ZNF703: variants seen among roughly 807,000 people sequenced by gnomAD.
ZNF703 encodes zinc finger protein 703.
Under a neutral mutation model 30.7 loss-of-function variants are expected in ZNF703, and 18 were observed. The observed-to-expected ratio is 0.59, with a 90% CI of 0.40 to 0.87. The LOEUF (loss-of-function observed/expected upper bound fraction) is 0.87. ZNF703 is among the 40% of genes least tolerant of loss of function. The pLI is 0.00. For missense variants in ZNF703, 814 were observed against 847.8 expected (o/e 0.96, Z 0.50); for synonymous variants, 457 against 438.6 (o/e 1.04, Z -0.52).
chr8:37,697,986 C>T lies in ZNF703; in HGVS notation c.1085C>T (p.Pro362Leu). 6.4e-7 allele frequency: 1 copy of T among 1,562,256 alleles called. No individual in the cohort carries two copies. Among genetic ancestry groups the T allele is most frequent in the Non-Finnish European group, 8.6e-7 (1 of 1,160,782 alleles). ...CCGGGCAAGCCCCCCAGCTCCAGCCCGCTCACCGGGGCCTCCCCGCCCTCC... is the reference window on the plus strand; with the variant it reads ...CCGGGCAAGCCCCCCAGCTCCAGCCTGCTCACCGGGGCCTCCCCGCCCTCC... ...LPPGKPPSSS[P>L]LTGASPPSFL... The change falls in exon 2 of 2, where the codon CCG becomes CTG. Residue 362 changes from proline to leucine, a missense_variant. Pro to Leu is a moderately conservative substitution (Grantham distance 98). Coordinates refer to ENST00000331569, the MANE Select transcript of ZNF703 (RefSeq NM_025069.3).
In ZNF703 at chr8:37,698,199, C is replaced by CTTTTAATGATA; in HGVS notation, c.1298_1299insTTTTAATGATA (p.Gln434PhefsTer113). 1 of 1,520,736 alleles carries CTTTTAATGATA rather than the reference C, an allele frequency of 6.6e-7. No individual in the cohort carries two copies. The highest frequency in any genetic ancestry group is 8.8e-7 in the Non-Finnish European group (1 of 1,141,084). 94.2% of individuals were successfully genotyped at this position (1,520,736 alleles called of 1,614,324 possible). A position where few individuals can be genotyped will look rare whatever the true frequency, so the allele number is the denominator to read the frequency against. On this transcript the variant is annotated frameshift_variant, in exon 2 of 2. Coordinates refer to ENST00000331569, the MANE Select transcript of ZNF703 (RefSeq NM_025069.3). LOFTEE classifies it high-confidence loss of function. ...CCCGCCGCGCTCTCGTCCAGCGCCG[C>CTTTTAATGATA]CCAGGCCGCGCTCCCCGGCCACCCG...
rs1342120211 is a variant in ZNF703 at position 37,698,516 on chromosome 8, A to C, written c.1615A>C (p.Thr539Pro). Residue 539 changes from threonine to proline, a missense_variant, in exon 2 of 2, where the codon ACT (threonine) becomes CCT (proline). Thr to Pro is a conservative substitution (Grantham distance 38). Coordinates refer to ENST00000331569, the MANE Select transcript of ZNF703 (RefSeq NM_025069.3). Reference protein sequence around the residue: ...PGSLSLRNPHTLGLSRYHPYG... With the variant: ...PGSLSLRNPHPLGLSRYHPYG... Reference sequence around the variant, plus strand: ...GTCGCTGTCCTTGCGGAATCCACACACTTTGGGCCTAAGCCGGTACCACCC... The same window carrying C: ...GTCGCTGTCCTTGCGGAATCCACACCCTTTGGGCCTAAGCCGGTACCACCC... The C allele has an allele frequency of 6.4e-7, 1 of 1,563,850 alleles. No individual in the cohort carries two copies. The highest frequency in any genetic ancestry group is 8.6e-7 in the Non-Finnish European group (1 of 1,159,302).
In ZNF703 at chr8:37,696,127, A is replaced by G; in HGVS notation, c.148A>G (p.Ile50Val). Residue 50 changes from isoleucine to valine, a missense_variant, in exon 1 of 2, where the codon ATC (isoleucine) becomes GTC (valine). Ile to Val is a conservative substitution (Grantham distance 29). Transcript: ENST00000331569. The surrounding 1 kb of genome is among the most constrained non-coding windows in gnomAD (Gnocchi z 8.2). ...CCTGCGCCAGGCGAACCGGCTCCCG[A>G]TCAGGGTCCTGAAGATGCTGAGCGC... is the stretch of plus-strand genomic sequence containing the variant. The part of the protein sequence containing the change: ...DPLRQANRLP[I>V]RVLKMLSAHT... 6.2e-7 allele frequency: 1 copy of G among 1,610,766 alleles called. No individual in the cohort carries two copies. Among genetic ancestry groups the G allele is most frequent in the Non-Finnish European group, 8.5e-7 (1 of 1,179,028 alleles).
In ZNF703 at chr8:37,696,419, T is replaced by C. The variant is rs1466168859; in HGVS notation, c.243+197T>C. On this transcript the variant is annotated intron_variant, in intron 1 of 1. Coordinates refer to ENST00000331569, the MANE Select transcript of ZNF703 (RefSeq NM_025069.3). The surrounding 1 kb of genome is among the most constrained non-coding windows in gnomAD (Gnocchi z 8.2). ...CCCCAGGCTTCCCCGTGGAAGGGTC[T>C]CCTTCCACGCTCGCCCTTCGGAGCT... 6.6e-6 allele frequency among the ~76,000 whole-genome samples: 1 copy of C among 152,058 alleles called. No homozygotes were observed. The highest frequency in any genetic ancestry group is 6.5e-5 in the Admixed American group (1 of 15,274).
chr8:37,698,617 G>C lies in ZNF703; in HGVS notation c.1716G>C (p.Ser572=), dbSNP rs1302488014. The change falls in exon 2 of 2, where the codon TCG becomes TCC. Residue 572 remains serine, a synonymous_variant. Transcript: ENST00000331569. ...PSLPTAGPYY[S]PYALYGQRLA... is the part of the protein sequence containing the mutation. ...TCCCCACAGCCGGACCCTACTATTC[G>C]CCATACGCGCTGTATGGACAGAGAC... 6.5e-7 allele frequency: 1 copy of C among 1,544,210 alleles called. No homozygotes were observed. Among genetic ancestry groups the C allele is most frequent in the African/African-American group, 1.4e-5 (1 of 70,250 alleles).
rs867525561 is a variant in ZNF703 at position 37,698,312 on chromosome 8, T to C, written c.1411T>C (p.Phe471Leu). 1 of 1,540,736 alleles carries C rather than the reference T, an allele frequency of 6.5e-7. No homozygotes were observed. Among genetic ancestry groups the C allele is most frequent in the Admixed American group, 2.0e-5 (1 of 50,882 alleles). ...AGCCAGTGGGCCGTGCGACAAGCGC[T>C]TCGCCACCTCGGAGGAGCTGCTCAG... The part of the protein sequence containing the change: ...VAASGPCDKR[F>L]ATSEELLSHL... The change falls in exon 2 of 2, where the codon TTC (phenylalanine) becomes CTC (leucine). Residue 471 changes from phenylalanine (F) to leucine (L), a missense_variant. By Grantham distance (22) the Phe-to-Leu change is conservative. Coordinates refer to ENST00000331569, the MANE Select transcript of ZNF703 (RefSeq NM_025069.3).
In ZNF703 at chr8:37,696,284, T is replaced by C; in HGVS notation, c.243+62T>C. The C allele has an allele frequency of 1.3e-6, 2 of 1,505,038 alleles. No individual in the cohort carries two copies. The highest frequency in any genetic ancestry group is 1.8e-6 in the Non-Finnish European group (2 of 1,124,118). 93.2% of individuals were successfully genotyped at this position (1,505,038 alleles called of 1,614,324 possible). On this transcript the variant is annotated intron_variant, in intron 1 of 1. Transcript: ENST00000331569. The surrounding 1 kb of genome is among the most constrained non-coding windows in gnomAD (Gnocchi z 8.2). ...ATTCCTCCCACCGCGACCGGGACCC[T>C]GACCCAGCTCCCAGCGCCCCGGGGC...
Position 37,697,355 on chromosome 8 carries a change from T to G in ZNF703, c.454T>G (p.Ser152Ala), listed in dbSNP as rs769666043. The G allele has an allele frequency of 3.8e-6, 6 of 1,560,458 alleles. No individual in the cohort carries two copies. The African/African-American group carries it at 6.9e-5, about 18-fold the overall frequency. Reference protein sequence around the residue: ...QLGDSPAEDKSSFKPYSKGSG... With the variant: ...QLGDSPAEDKASFKPYSKGSG... ...GGGGGACTCACCGGCCGAGGACAAG[T>G]CCAGCTTCAAGCCCTACTCCAAGGG... The change falls in exon 2 of 2, where the codon TCC (serine) becomes GCC (alanine). Residue 152 changes from serine to alanine, a missense_variant. Ser to Ala is a moderately conservative substitution (Grantham distance 99, BLOSUM62 1). Coordinates refer to ENST00000331569, the MANE Select transcript of ZNF703 (RefSeq NM_025069.3).
At position 37,695,824 on chromosome 8, in the gene ZNF703, C is replaced by CGGCGGA. The variant is rs1215162640; in HGVS notation, c.-151_-146dup. 8 of 622,354 alleles carry CGGCGGA rather than the reference C, an allele frequency of 1.3e-5. No homozygotes were observed. Among genetic ancestry groups the CGGCGGA allele is most frequent in the Non-Finnish European group, 2.0e-5 (8 of 405,904 alleles). 38.6% of individuals were successfully genotyped at this position (622,354 alleles called of 1,614,324 possible). A position where few individuals can be genotyped will look rare whatever the true frequency, so the allele number is the denominator to read the frequency against. ...CCGGGGCCAGCGGCGGTGGCGGCGG[C>CGGCGGA]GGCGGAGGCGTCGGTGGAGGAGGGG... On this transcript the variant is annotated 5_prime_UTR_variant, in exon 1 of 2. Transcript: ENST00000331569.
In ZNF703 at chr8:37,698,266, G is replaced by C; in HGVS notation, c.1365G>C (p.Pro455=). ...YGFMLQNEPL[P]HSCNWVAASG... ...TCATGCTGCAGAACGAACCGCTGCC[G>C]CACAGCTGCAACTGGGTGGCAGCCA... is the stretch of plus-strand genomic sequence containing the variant. Residue 455 remains proline, a synonymous_variant, in exon 2 of 2, where the codon CCG becomes CCC. Transcript: ENST00000331569. 1 of 1,538,760 alleles carries C rather than the reference G, an allele frequency of 6.5e-7. No individual in the cohort carries two copies. The highest frequency in any genetic ancestry group is 8.7e-7 in the Non-Finnish European group (1 of 1,147,158).
At position 37,697,153 on chromosome 8, in the gene ZNF703, C is replaced by T. The variant is rs753256761; in HGVS notation, c.252C>T (p.Ala84=). 1 of 1,567,292 alleles carries T rather than the reference C, an allele frequency of 6.4e-7. No homozygotes were observed. The highest frequency in any genetic ancestry group is 8.6e-7 in the Non-Finnish European group (1 of 1,160,894). Residue 84 remains alanine (A), a synonymous_variant, in exon 2 of 2, where the codon GCC becomes GCT. Coordinates refer to ENST00000331569, the MANE Select transcript of ZNF703 (RefSeq NM_025069.3). Reference sequence around the variant, plus strand: ...GCTTCTGTCTCCCACAGCTGGACGCCAAGAAGAGCCCCTTGGCGCTGCTGG... The same window carrying T: ...GCTTCTGTCTCCCACAGCTGGACGCTAAGAAGAGCCCCTTGGCGCTGCTGG... ...STPVSPIELD[A]KKSPLALLAQ...
chr8:37,695,802 G>C lies in ZNF703; in HGVS notation c.-178G>C. The C allele has an allele frequency of 1.9e-6, 1 of 526,472 alleles. No homozygotes were observed. The highest frequency in any genetic ancestry group is 3.1e-6 in the Non-Finnish European group (1 of 318,748). The allele number at this position is 526,472 out of a possible 1,614,324, so 32.6% of individuals were successfully genotyped here. ...GCGAAGGTTTTTGTGTTGCTAGCCGGGGCCAGCGGCGGTGGCGGCGGCGGC... is the reference window on the plus strand; with the variant it reads ...GCGAAGGTTTTTGTGTTGCTAGCCGCGGCCAGCGGCGGTGGCGGCGGCGGC... On this transcript the variant is annotated 5_prime_UTR_variant, in exon 1 of 2. Coordinates refer to ENST00000331569, the MANE Select transcript of ZNF703 (RefSeq NM_025069.3).
Position 37,698,685 on chromosome 8 carries a change from T to G in ZNF703, c.*11T>G. ...CTGGGATACCAGTAACTACAGCTCTTCCTCCACCCCAGCCCCCTCACCCTC... is the reference window on the plus strand; with the variant it reads ...CTGGGATACCAGTAACTACAGCTCTGCCTCCACCCCAGCCCCCTCACCCTC... On this transcript the variant is annotated 3_prime_UTR_variant, in exon 2 of 2. Coordinates refer to ENST00000331569, the MANE Select transcript of ZNF703 (RefSeq NM_025069.3). 7.0e-7 allele frequency: 1 copy of G among 1,425,588 alleles called. No homozygotes were observed. Among genetic ancestry groups the G allele is most frequent in the Non-Finnish European group, 9.2e-7 (1 of 1,086,704 alleles). 88.3% of individuals were successfully genotyped at this position (1,425,588 alleles called of 1,614,324 possible). A position where few individuals can be genotyped will look rare whatever the true frequency, so the allele number is the denominator to read the frequency against.
At chr8:37,697,093 C>G (rs1275450923) in intron 1 of ZNF703, 52 bp from the exon 2 acceptor site, 1 of 1,447,642 alleles carries the variant, frequency 6.9e-7, no homozygotes, top group Admixed American at 2.8e-5. Flanking sequence ...GCTCGCCCCG[C>G]AGGCCTCTGA....
chr8:37,695,807 A>AGCG lies in ZNF703; in HGVS notation c.-168_-166dup. ...GGTTTTTGTGTTGCTAGCCGGGGCC[A>AGCG]GCGGCGGTGGCGGCGGCGGCGGAGG... On this transcript the variant is annotated 5_prime_UTR_variant, in exon 1 of 2. Coordinates refer to ENST00000331569, the MANE Select transcript of ZNF703 (RefSeq NM_025069.3). 1 of 542,482 alleles carries AGCG rather than the reference A, an allele frequency of 1.8e-6. No homozygotes were observed. 33.6% of individuals were successfully genotyped at this position (542,482 alleles called of 1,614,324 possible).
At position 37,697,283 on chromosome 8, in the gene ZNF703, C is replaced by A; in HGVS notation, c.382C>A (p.Arg128Ser). Residue 128 changes from arginine (R) to serine (S), a missense_variant, in exon 2 of 2, where the codon CGC (arginine) becomes AGC (serine). Arg to Ser is a moderately radical substitution (Grantham distance 110). Transcript: ENST00000331569. ...GCTGGGAGCGGAGAAGGACCCCGGC[C>A]GCTCAGCCCCGGGCGCCGCCTCCGC... ...NGLGAEKDPG[R>S]SAPGAASAAA... 1 of 1,568,190 alleles carries A rather than the reference C, an allele frequency of 6.4e-7. No homozygotes were observed. Among genetic ancestry groups the A allele is most frequent in the South Asian group, 1.2e-5 (1 of 86,236 alleles).
chr8:37,698,414 AGCGCCGCCG>A lies in ZNF703; in HGVS notation c.1514_1522del (p.Ser505_Ala508delinsThr). ...CTACCCCGGGGCCTCGGGCCTGGGC[AGCGCCGCCG>A]CCGCCGCCGCCGCCGCCGCCTCCTG... is the stretch of plus-strand genomic sequence containing the variant. On this transcript the variant is annotated inframe_deletion, in exon 2 of 2. Transcript: ENST00000331569. 6.7e-7 allele frequency: 1 copy of A among 1,487,200 alleles called. No individual in the cohort carries two copies. Among genetic ancestry groups the A allele is most frequent in the Non-Finnish European group, 8.9e-7 (1 of 1,121,370 alleles). 92.1% of individuals were successfully genotyped at this position (1,487,200 alleles called of 1,614,324 possible). A position where few individuals can be genotyped will look rare whatever the true frequency, so the allele number is the denominator to read the frequency against.
rs1802073005 is a variant in ZNF703, at chr8:37,696,707, G to A, written c.244-438G>A. 6.6e-6 allele frequency among the ~76,000 whole-genome samples: 1 copy of A among 152,122 alleles called. No homozygotes were observed. Among genetic ancestry groups the A allele is most frequent in the Non-Finnish European group, 1.5e-5 (1 of 68,010 alleles). On this transcript the variant is annotated intron_variant, in intron 1 of 1. Coordinates refer to ENST00000331569, the MANE Select transcript of ZNF703 (RefSeq NM_025069.3). This position sits in a 1 kb window ranked among gnomAD's most constrained non-coding sequence, Gnocchi z 8.2. The stretch of plus-strand genomic sequence containing the variant: ...CTGGGTGCCCTCCCCGGGAGGGAGG[G>A]GCTACGGAGAGAGCGCCAACTGCAG...
In ZNF703 at chr8:37,698,372, G is replaced by A; in HGVS notation, c.1471G>A (p.Glu491Lys). The stretch of plus-strand genomic sequence containing the variant: ...GACCCACACGGCCCTGCCGGGAGCC[G>A]AGAAACTTCTGGCCGCCTACCCCGG... ...LRTHTALPGA[E>K]KLLAAYPGAS... is the part of the protein sequence containing the mutation. The change falls in exon 2 of 2, where the codon GAG becomes AAG. Residue 491 changes from glutamate to lysine, a missense_variant. By Grantham distance (56) the Glu-to-Lys change is moderately conservative. Coordinates refer to ENST00000331569, the MANE Select transcript of ZNF703 (RefSeq NM_025069.3). The A allele has an allele frequency of 3.3e-6, 5 of 1,526,812 alleles. No homozygotes were observed. Among genetic ancestry groups the A allele is most frequent in the Non-Finnish European group, 4.4e-6 (5 of 1,138,146 alleles). 94.6% of individuals were successfully genotyped at this position (1,526,812 alleles called of 1,614,324 possible).
Sources: allele counts gnomAD v4.1 joint callset (sites outside exome capture counted in the v4.1 genomes callset), GRCh38; gene constraint gnomAD v4.1.1; non-coding constraint Gnocchi (gnomAD v3.1); transcripts MANE v1.5; gene names NCBI Gene and HGNC (gene_info 2026-07-23, HGNC 2026-07-21).